Variants in AGBL1 observed in about 807,000 individuals in gnomAD.
AGBL1 encodes AGBL carboxypeptidase 1, also known as cytosolic carboxypeptidase 4.
AGBL1 carries 130 observed loss-of-function variants against 118.9 expected under a neutral mutation model. That is an observed-to-expected ratio of 1.09 (90% confidence interval 0.95 to 1.26). The LOEUF (loss-of-function observed/expected upper bound fraction) is 1.26. Among genes scored for constraint, AGBL1 ranks in the 50% most tolerant of loss-of-function variants. The pLI is 0.00. For missense variants in AGBL1, 1,584 were observed against 1,298.1 expected, an observed-to-expected ratio of 1.22 and a Z score of -3.38; for synonymous variants, 555 against 478.9, an observed-to-expected ratio of 1.16 and a Z score of -2.08.
In AGBL1 at chr15:86,840,915, A is replaced by G. The variant is rs527705994; in HGVS notation, c.3159-66172A>G. 3.7e-4 allele frequency among the ~76,000 whole-genome samples: 56 copies of G among 152,330 alleles called. 1 individual carries two copies. Among genetic ancestry groups the G allele is most frequent in the Middle Eastern group, 6.8e-3 (2 of 294 alleles). On this transcript the variant is annotated intron_variant, in intron 22 of 22. Coordinates refer to ENST00000614907, the MANE Select transcript of AGBL1 (RefSeq NM_001386094.1). ...AGAACTTAAACAGAAAGCTTCTTCA[A>G]TGGAAGGTGCACAATCTTTCTACTG...
intron 5 of AGBL1, among the ~76,000 whole-genome samples, chr15:86,160,419 T>C (rs2077251140): frequency 1.3e-5 from 2 of 152,218 alleles, no homozygotes; most frequent in South Asian, 4.1e-4. Flanking sequence ...TCCAGGGATT[T>C]CACTCTTCTC....
intron 17 of AGBL1, among the ~76,000 whole-genome samples, chr15:86,385,317 G>A (rs537726086): frequency 3.9e-5 from 6 of 152,134 alleles, no homozygotes; most frequent in South Asian, 2.1e-4. Context: ...TTACTCGTGC[G>A]CCTTGTATTA....
chr15:86,097,975 A>G (rs998426458), intron 1 of AGBL1, among the ~76,000 whole-genome samples: 2 of 152,094 alleles, frequency 1.3e-5, no homozygotes, highest in African/African-American at 2.4e-5. Context: ...CCTCACTAGC[A>G]TCTGATAGTT....
At chr15:86,255,744 T>G (rs1198571147) in intron 7 of AGBL1, among the ~76,000 whole-genome samples, 1 of 152,090 alleles carries the variant, frequency 6.6e-6, no homozygotes, top group Non-Finnish European at 1.5e-5. Flanking sequence ...ATCGTGCCAC[T>G]GCACTCTAGC....
chr15:86,989,884 C>A (rs2081321767), intron 24 of AGBL1, among the ~76,000 whole-genome samples: 2 of 152,136 alleles, frequency 1.3e-5, no homozygotes, highest in Admixed American at 1.3e-4. Context: ...AGCGCAAAGG[C>A]CCTGTGGCAG....
At chr15:86,654,791 C>T (rs902947061) in intron 21 of AGBL1, among the ~76,000 whole-genome samples, 11 of 152,076 alleles carry the variant, frequency 7.2e-5, no homozygotes, top group African/African-American at 2.4e-4. Flanking sequence ...CCTAGTCAGC[C>T]AGCCATGGAG....
chr15:86,091,835 C>G (rs890864607), intron 1 of AGBL1, among the ~76,000 whole-genome samples: 3 of 152,122 alleles, frequency 2.0e-5, no homozygotes, highest in Admixed American at 2.0e-4. Flanking sequence ...CAATATTCTT[C>G]CTATGTCCAT....
intron 5 of AGBL1, among the ~76,000 whole-genome samples, chr15:86,174,067 A>G (rs1381401243): frequency 6.6e-6 from 1 of 152,082 alleles, no homozygotes; most frequent in African/African-American, 2.4e-5. Context: ...AACAATATCA[A>G]TTCTTTCAAT....
At chr15:86,462,268 C>T (rs1281605615) in intron 18 of AGBL1, among the ~76,000 whole-genome samples, 1 of 152,000 alleles carries the variant, frequency 6.6e-6, no homozygotes, top group Non-Finnish European at 1.5e-5. Flanking sequence ...ATATCTGGGG[C>T]ATGATGATCA....
intron 15 of AGBL1, among the ~76,000 whole-genome samples, chr15:86,272,939 T>A (rs1411751650): frequency 6.6e-6 from 1 of 152,162 alleles, no homozygotes; most frequent in Non-Finnish European, 1.5e-5. Context: ...GAGATTTAGA[T>A]TAAAAATCAC....
At chr15:86,364,956 CACATAT>C (rs869141643) in intron 17 of AGBL1, among the ~76,000 whole-genome samples, 41,221 of 89,134 alleles carry the variant, frequency 0.46, 9,374 homozygotes, top group Non-Finnish European at 0.56. Context: ...TTATATGTCA[CACATAT>C]ATATATATAT....
At chr15:86,964,421 C>G (rs1284300221) in intron 23 of AGBL1, among the ~76,000 whole-genome samples, 1 of 151,744 alleles carries the variant, frequency 6.6e-6, no homozygotes, top group Non-Finnish European at 1.5e-5. Flanking sequence ...ACTGTGATAA[C>G]AAAAAATGTG....
chr15:86,919,057 A>G (rs997535490), downstream of AGBL1, among the ~76,000 whole-genome samples: 3 of 152,232 alleles, frequency 2.0e-5, no homozygotes, highest in Non-Finnish European at 4.4e-5. Flanking sequence ...GATACCTTGC[A>G]GACTTACGCT....
At chr15:86,469,208 C>T (rs2082445679) in intron 18 of AGBL1, among the ~76,000 whole-genome samples, 1 of 152,136 alleles carries the variant, frequency 6.6e-6, no homozygotes, top group Admixed American at 6.5e-5. Context: ...AAACTTTGTA[C>T]CATTTGACCA....
chr15:86,947,393 T>C (rs946512830), intron 23 of AGBL1, among the ~76,000 whole-genome samples: 1 of 152,330 alleles, frequency 6.6e-6, no homozygotes, highest in South Asian at 2.1e-4. Context: ...AGGTATTTCA[T>C]AAATTGCTTT....
At chr15:86,377,970 T>C (rs927135112) in intron 17 of AGBL1, among the ~76,000 whole-genome samples, 3 of 152,146 alleles carry the variant, frequency 2.0e-5, no homozygotes, top group South Asian at 4.1e-4. Flanking sequence ...CAAATAACAA[T>C]GGTAGGAAAA....
chr15:86,876,467 C>G (rs2079809664), intron 22 of AGBL1, among the ~76,000 whole-genome samples: 1 of 152,138 alleles, frequency 6.6e-6, no homozygotes, highest in African/African-American at 2.4e-5. Flanking sequence ...TAAAAGAAAA[C>G]TGACTCCTCA....
Position 86,626,150 on chromosome 15 carries a change from T to C in AGBL1, c.2995-48123T>C, listed in dbSNP as rs570719902. ...AATACCGTTCGACCCAGCAATCCCA[T>C]TACTGAGTATATACCCAAAGGAATA... On this transcript the variant is annotated intron_variant, in intron 21 of 22. Transcript: ENST00000614907. Among the ~76,000 whole-genome samples, 3 of 152,294 alleles carry C rather than the reference T, an allele frequency of 2.0e-5. No homozygotes were observed. In the East Asian group the frequency reaches 5.8e-4, roughly 29 times the overall value.
intron 21 of AGBL1, among the ~76,000 whole-genome samples, chr15:86,563,982 G>A (rs1382533623): frequency 6.6e-6 from 1 of 152,072 alleles, no homozygotes; most frequent in African/African-American, 2.4e-5. Context: ...CCATTTGCTT[G>A]GTAGATCTTC....
Sources: allele counts gnomAD v4.1 joint callset (sites outside exome capture counted in the v4.1 genomes callset), GRCh38; gene constraint gnomAD v4.1.1; transcripts MANE v1.5; gene names NCBI Gene and HGNC (gene_info 2026-07-23, HGNC 2026-07-21).